The following MERTK variants were observed in gnomAD, a reference collection of about 807,000 sequenced individuals.
The protein encoded by MERTK is tyrosine-protein kinase Mer.
In MERTK, 69 loss-of-function variants were observed where a neutral mutation model predicts 99.3. The ratio of observed to expected loss-of-function variants is 0.70; its 90% CI spans 0.57 to 0.85. MERTK has a LOEUF of 0.85. MERTK is among the 40% of genes least tolerant of loss of function. The pLI is 0.00. For synonymous variants in MERTK, 426 were observed against 467.6 expected, an observed-to-expected ratio of 0.91 and a Z score of 1.15; for missense variants, 1,125 against 1,249.4, an observed-to-expected ratio of 0.90 and a Z score of 1.50.
intron 1 of MERTK, among the ~76,000 whole-genome samples, chr2:111,912,036 G>A (rs994302499): frequency 6.6e-6 from 1 of 150,866 alleles, no homozygotes; most frequent in East Asian, 2.0e-4. Flanking sequence ...GGAGTCTCAC[G>A]CTGTCACCCC....
At chr2:111,994,731 A>C in intron 9 of MERTK, 2 of 386,454 alleles carry the variant, frequency 5.2e-6, no homozygotes, top group South Asian at 4.1e-5. Flanking sequence ...GTGAGTTATG[A>C]TCACACCACT....
intron 4 of MERTK, among the ~76,000 whole-genome samples, chr2:111,962,337 G>A (rs779037330): frequency 5.9e-5 from 9 of 152,040 alleles, no homozygotes; most frequent in African/African-American, 9.7e-5. Context: ...GTGATACCCC[G>A]TCTCTACTAA....
intron 1 of MERTK, among the ~76,000 whole-genome samples, chr2:111,911,896 C>T (rs975234544): frequency 1.3e-5 from 2 of 151,696 alleles, no homozygotes; most frequent in Non-Finnish European, 1.5e-5. Context: ...GCCACATTGT[C>T]GAGGCTGGTC....
intron 8 of MERTK, among the ~76,000 whole-genome samples, chr2:111,991,030 T>A (rs923408125): frequency 6.6e-6 from 1 of 152,200 alleles, no homozygotes; most frequent in Non-Finnish European, 1.5e-5. Context: ...AGGCTTGTCC[T>A]TTGGAGGAGC....
intron 1 of MERTK, among the ~76,000 whole-genome samples, chr2:111,916,927 GATATCTTC>G (rs1279884609): frequency 6.6e-6 from 1 of 152,130 alleles, no homozygotes; most frequent in African/African-American, 2.4e-5. Flanking sequence ...TGAGTGTGGG[GATATCTTC>G]ATTACTGCTG....
chr2:112,014,849 G>C (rs971159809), intron 15 of MERTK, among the ~76,000 whole-genome samples: 11 of 151,978 alleles, frequency 7.2e-5, no homozygotes, highest in African/African-American at 2.4e-5. Context: ...ATGTTGGTCA[G>C]GCTGGTCTCA....
Position 111,945,048 on chromosome 2 carries a change from A to T in MERTK, c.571A>T (p.Ile191Phe), listed in dbSNP as rs776368722. ...AGAGATCGTGTCTGATCCCATCTACATCGAAGTACAAGGTAAGTCCACAGA... is the reference window on the plus strand; with the variant it reads ...AGAGATCGTGTCTGATCCCATCTACTTCGAAGTACAAGGTAAGTCCACAGA... ...NEEIVSDPIY[I>F]EVQGLPHFTK... is the part of the protein sequence containing the mutation. The change falls in exon 3 of 19, where the codon ATC becomes TTC. Residue 191 changes from isoleucine to phenylalanine, a missense_variant. By Grantham distance (21) the Ile-to-Phe change is conservative. Transcript: ENST00000295408. 9 of 1,612,976 alleles carry T rather than the reference A, an allele frequency of 5.6e-6. No homozygotes were observed. Among genetic ancestry groups the T allele is most frequent in the Non-Finnish European group, 7.6e-6 (9 of 1,179,118 alleles).
rs763384914 is a variant in MERTK at position 111,898,747 on chromosome 2, C to CCCGCTG, written c.20_25dup (p.Pro7_Leu8dup). The stretch of plus-strand genomic sequence containing the variant: ...TCCGCAGCCCCGGGATGGGGCCGGC[C>CCCGCTG]CCGCTGCCGCTGCTGCTGGGCCTCT... On this transcript the variant is annotated inframe_insertion, in exon 1 of 19. Transcript: ENST00000295408. The CCCGCTG allele has an allele frequency of 3.7e-6, 6 of 1,606,480 alleles. No individual in the cohort carries two copies. The highest frequency in any genetic ancestry group is 5.1e-6 in the Non-Finnish European group (6 of 1,177,096).
At position 111,945,070 on chromosome 2, in the gene MERTK, C is replaced by T. The variant is rs11683694; in HGVS notation, c.583+10C>T. ...TACATCGAAGTACAAGGTAAGTCCA[C>T]AGACCAGAGTCCCATTGCCAGAGAA... On this transcript the variant is annotated intron_variant, in intron 3 of 18. Transcript: ENST00000295408. 0.27 allele frequency: 439,404 copies of T among 1,599,854 alleles called. 62,793 individuals are homozygous for T. The highest frequency in any genetic ancestry group is 0.31 in the Middle Eastern group (1,853 of 6,030).
chr2:112,007,303 C>T (rs1225508248), intron 13 of MERTK, among the ~76,000 whole-genome samples: 3 of 152,122 alleles, frequency 2.0e-5, no homozygotes, highest in South Asian at 2.1e-4. Flanking sequence ...TACAGGCGCC[C>T]GCCACCACGC....
chr2:112,026,317 A>G (rs1677459343), intron 18 of MERTK: 1 of 152,248 alleles, frequency 6.6e-6, no homozygotes, highest in South Asian at 2.1e-4. Flanking sequence ...TCTACTTGGA[A>G]ATAAAGATAA....
chr2:112,008,920 G>A (rs942704375), intron 14 of MERTK: 1 of 262,106 alleles, frequency 3.8e-6, no homozygotes, highest in African/African-American at 2.2e-5. Context: ...TTAAGATCAT[G>A]ATACATTGAT....
chr2:112,013,943 C>T (rs530384866), intron 15 of MERTK, among the ~76,000 whole-genome samples: 23 of 152,270 alleles, frequency 1.5e-4, no homozygotes, highest in African/African-American at 5.3e-4. Context: ...CAGCCTCCGC[C>T]TCCCGGGTTC....
intron 7 of MERTK, 39 bp from the exon 8 acceptor site, chr2:111,982,803 T>C (rs1426560121): frequency 6.2e-7 from 1 of 1,608,678 alleles, no homozygotes; most frequent in East Asian, 2.2e-5. Flanking sequence ...TGTGTGTGCT[T>C]TGTGGTTCTT....
chr2:111,915,686 A>G (rs1241444794), intron 1 of MERTK, among the ~76,000 whole-genome samples: 1 of 152,156 alleles, frequency 6.6e-6, no homozygotes, highest in African/African-American at 2.4e-5. Context: ...ACCTGAGGTC[A>G]GGAGTTCGAG....
Position 112,021,549 on chromosome 2 carries a change from G to A in MERTK, c.2317G>A (p.Ala773Thr), listed in dbSNP as rs768529168. 199 of 1,551,984 alleles carry A rather than the reference G, an allele frequency of 1.3e-4. No individual in the cohort carries two copies. The highest frequency in any genetic ancestry group is 1.7e-4 in the Non-Finnish European group (198 of 1,148,230). Residue 773 changes from alanine to threonine, a missense_variant, in exon 17 of 19, where the codon GCA (alanine) becomes ACA (threonine). Coordinates refer to ENST00000295408, the MANE Select transcript of MERTK (RefSeq NM_006343.3). ...TAAATGGATCGCCATAGAAAGTCTT[G>A]CAGACCGAGTCTACACAAGTAAAAG... ...PVKWIAIESL[A>T]DRVYTSKSDV...
chr2:112,002,994 G>T, intron 11 of MERTK, 98 bp from the exon 12 acceptor site: 2 of 694,100 alleles, frequency 2.9e-6, no homozygotes, highest in Non-Finnish European at 5.3e-6. Flanking sequence ...AAATAAATAA[G>T]GAATGTTTTA....
At chr2:111,935,638 CGTGTGTGTGTGTGTGTGTGTGTGTGTGT>C (rs55986780) in intron 2 of MERTK, among the ~76,000 whole-genome samples, 1 of 139,844 alleles carries the variant, frequency 7.2e-6, no homozygotes, top group African/African-American at 2.7e-5. Context: ...GGTCTTGGCT[CGTGTGTGTGTGTGTGTGTGTGTGTGTGT>C]GTGTGTGTGT....
chr2:111,954,415 C>G (rs1685111822), intron 4 of MERTK, among the ~76,000 whole-genome samples: 1 of 152,194 alleles, frequency 6.6e-6, no homozygotes, highest in Admixed American at 6.5e-5. Context: ...AACAAACCCT[C>G]TATCTATTTG....
Sources: gnomAD v4.1 joint callset for allele counts (sites outside exome capture counted in the v4.1 genomes callset) on GRCh38, gnomAD v4.1.1 for gene constraint, MANE v1.5 for transcripts, NCBI Gene and HGNC (gene_info 2026-07-23, HGNC 2026-07-21) for gene names.